Variants in ECT2L observed in about 807,000 individuals in gnomAD.
ECT2L encodes the protein epithelial cell transforming 2 like.
Under a neutral mutation model 122.8 loss-of-function variants are expected in ECT2L, and 126 were observed. That is an observed-to-expected ratio of 1.03 (90% CI 0.89 to 1.19). ECT2L has a LOEUF of 1.19. Among genes scored for constraint, ECT2L ranks in the 50% most tolerant of loss-of-function variants. The pLI, the probability that ECT2L is intolerant of heterozygous loss-of-function variation, is 0.00. For missense variants in ECT2L, 1,012 were observed against 1,064.1 expected (o/e 0.95, Z 0.68); for synonymous variants, 385 against 381.8 (o/e 1.01, Z -0.10).
intron 1 of ECT2L, among the ~76,000 whole-genome samples, chr6:138,808,408 C>G (rs1241906127): frequency 6.6e-6 from 1 of 151,954 alleles, no homozygotes; most frequent in Non-Finnish European, 1.5e-5. Flanking sequence ...CCATTCCTGG[C>G]TAATTTTCTT....
At chr6:138,902,322 T>A (rs1779429001) in intron 21 of ECT2L, among the ~76,000 whole-genome samples, 178 bp from the exon 22 acceptor site, 1 of 152,356 alleles carries the variant, frequency 6.6e-6, no homozygotes, top group Middle Eastern at 3.4e-3. Flanking sequence ...AAAGACATCA[T>A]TTTACACTGC....
chr6:138,810,388 T>G (rs936786437), intron 1 of ECT2L, among the ~76,000 whole-genome samples: 1 of 152,196 alleles, frequency 6.6e-6, no homozygotes, highest in African/African-American at 2.4e-5. Flanking sequence ...CAGCAAATAC[T>G]TTGAGTTGGA....
At chr6:138,865,777 AG>A (rs1401541429) in intron 12 of ECT2L, among the ~76,000 whole-genome samples, 1 of 152,190 alleles carries the variant, frequency 6.6e-6, no homozygotes. Flanking sequence ...TTCACCATCT[AG>A]GTAAAGAGTT....
At chr6:138,864,253 C>T (rs965174012) in intron 11 of ECT2L, among the ~76,000 whole-genome samples, 2 of 151,970 alleles carry the variant, frequency 1.3e-5, no homozygotes, top group Non-Finnish European at 2.9e-5. Context: ...ACCCGGGAGG[C>T]GAAGGTTGCA....
chr6:138,854,464 G>A (rs1777549663), intron 10 of ECT2L, among the ~76,000 whole-genome samples: 1 of 152,120 alleles, frequency 6.6e-6, no homozygotes, highest in African/African-American at 2.4e-5. Flanking sequence ...CATCATAGGA[G>A]CCATAATCAT....
chr6:138,817,748 G>A (rs913744406), intron 4 of ECT2L, among the ~76,000 whole-genome samples: 1 of 152,076 alleles, frequency 6.6e-6, no homozygotes, highest in African/African-American at 2.4e-5. Context: ...TTTTTTAAAG[G>A]TTTAGCTTCT....
rs761489110 is a variant in ECT2L, at chr6:138,888,989, C to T, written c.2372C>T (p.Ala791Val). The T allele has an allele frequency of 1.9e-6, 3 of 1,551,320 alleles. No individual in the cohort carries two copies. Among genetic ancestry groups the T allele is most frequent in the African/African-American group, 2.7e-5 (2 of 73,240 alleles). The change falls in exon 20 of 22, where the codon GCC becomes GTC. Residue 791 changes from alanine to valine, a missense_variant. Transcript: ENST00000541398. ...TATCTGATTAGGGTACAAGATGTAG[C>T]CCAACTTCATTGCTGTGATGAAGAA... Reference protein sequence around the residue: ...NRYLIRVQDVAQLHCCDEEIS... With the variant: ...NRYLIRVQDVVQLHCCDEEIS...
intron 4 of ECT2L, among the ~76,000 whole-genome samples, chr6:138,821,081 T>C (rs942363689): frequency 6.6e-6 from 1 of 152,220 alleles, no homozygotes; most frequent in Non-Finnish European, 1.5e-5. Context: ...GCTTCTTCCA[T>C]TTCTTGATTC....
chr6:138,876,701 A>G (rs1345580884), intron 14 of ECT2L, 143 bp downstream of exon 14: 2 of 597,302 alleles, frequency 3.3e-6, no homozygotes, highest in African/African-American at 3.8e-5. Context: ...ATTATTAGAG[A>G]GAATTCAGCT....
intron 14 of ECT2L, chr6:138,878,990 T>C (rs978157757): frequency 6.4e-6 from 1 of 157,230 alleles, no homozygotes; most frequent in Non-Finnish European, 1.4e-5. Context: ...TAGTTGAGAA[T>C]GCAGTCTTGG....
At chr6:138,821,087 G>C (rs1330424721) in intron 4 of ECT2L, among the ~76,000 whole-genome samples, 3 of 152,198 alleles carry the variant, frequency 2.0e-5, no homozygotes, top group Non-Finnish European at 4.4e-5. Flanking sequence ...TCCATTTCTT[G>C]ATTCTACTCC....
intron 20 of ECT2L, among the ~76,000 whole-genome samples, chr6:138,895,111 G>A (rs57884783): frequency 2.0e-5 from 3 of 151,826 alleles, no homozygotes; most frequent in Non-Finnish European, 4.4e-5. Context: ...AAAAAAAAAC[G>A]TTTTGAAATT....
chr6:138,816,234 C>T (rs1438234572), intron 4 of ECT2L, among the ~76,000 whole-genome samples: 1 of 152,150 alleles, frequency 6.6e-6, no homozygotes, highest in Non-Finnish European at 1.5e-5. Flanking sequence ...TAGTTGTGAC[C>T]ACTGGAGGTC....
intron 1 of ECT2L, among the ~76,000 whole-genome samples, chr6:138,806,966 A>T (rs977767484): frequency 2.6e-5 from 4 of 152,216 alleles, no homozygotes; most frequent in African/African-American, 9.6e-5. Flanking sequence ...AAAAAATGTT[A>T]TTAAGAAAAT....
intron 12 of ECT2L, among the ~76,000 whole-genome samples, chr6:138,866,510 C>A (rs1778044873): frequency 6.6e-6 from 1 of 151,694 alleles, no homozygotes; most frequent in Non-Finnish European, 1.5e-5. Flanking sequence ...CTTGGCCTCC[C>A]AAAGTGCTAG....
At chr6:138,883,475 C>T (rs1293343832) in intron 16 of ECT2L, among the ~76,000 whole-genome samples, 4 of 152,288 alleles carry the variant, frequency 2.6e-5, no homozygotes, top group South Asian at 2.1e-4. Context: ...CAATTGGTAT[C>T]GAAAGCCTAG....
chr6:138,837,954 G>T (rs1363374694), intron 4 of ECT2L, among the ~76,000 whole-genome samples: 1 of 150,454 alleles, frequency 6.6e-6, no homozygotes, highest in African/African-American at 2.5e-5. Context: ...AGGCTGGAGT[G>T]CAGTAGCACG....
At chr6:138,827,749 G>C (rs1366113738) in intron 4 of ECT2L, among the ~76,000 whole-genome samples, 2 of 152,060 alleles carry the variant, frequency 1.3e-5, no homozygotes, top group Non-Finnish European at 2.9e-5. Context: ...AGTAGAGACG[G>C]GGTTTCACCA....
intron 4 of ECT2L, among the ~76,000 whole-genome samples, chr6:138,824,558 T>TAAAAAAAAAAAAAAAAAACAAAAA: frequency 7.6e-6 from 1 of 131,764 alleles, no homozygotes; most frequent in Non-Finnish European, 1.6e-5. Flanking sequence ...AAAAAAACTA[T>TAAAAAAAAAAAAAAAAAACAAAAA]AAAAAAAAAC....
Sources: allele counts gnomAD v4.1 joint callset (sites outside exome capture counted in the v4.1 genomes callset), GRCh38; gene constraint gnomAD v4.1.1; transcripts MANE v1.5; gene names NCBI Gene and HGNC (gene_info 2026-07-23, HGNC 2026-07-21).